CDIN1: variants seen among roughly 807,000 people sequenced by gnomAD.
CDIN1 encodes the protein CDAN1-interacting nuclease 1.
CDIN1 carries 33 observed loss-of-function variants against 45.3 expected under a neutral mutation model. The ratio of observed to expected loss-of-function variants is 0.73; its 90% CI spans 0.55 to 0.97. CDIN1 has a LOEUF of 0.97. CDIN1 is among the 50% of genes least tolerant of loss of function. The probability of loss-of-function intolerance (pLI) is 0.00; values close to 1 mark genes in which losing one functional copy is unlikely to be tolerated. For missense variants in CDIN1, 303 were observed against 339.4 expected, an observed-to-expected ratio of 0.89 and a Z score of 0.84; for synonymous variants, 118 against 124.4, an observed-to-expected ratio of 0.95 and a Z score of 0.34.
intron 10 of CDIN1, among the ~76,000 whole-genome samples, chr15:36,797,979 C>CAAAAAAAA (rs570630838): frequency 0.1 from 5,685 of 54,844 alleles, 202 homozygotes; most frequent in South Asian, 0.17. Flanking sequence ...GACTCCATCT[C>CAAAAAAAA]AAAAAAAAAA....
chr15:36,738,572 T>C (rs1172812364), intron 10 of CDIN1, among the ~76,000 whole-genome samples: 1 of 152,150 alleles, frequency 6.6e-6, no homozygotes, highest in African/African-American at 2.4e-5. Context: ...CTCTTTGCTC[T>C]TCCTCAAACT....
chr15:36,794,061 A>ATT (rs71126238), intron 10 of CDIN1, among the ~76,000 whole-genome samples: 20,728 of 120,886 alleles, frequency 0.17, 2,437 homozygotes, highest in Middle Eastern at 0.22. Context: ...CATCATAACT[A>ATT]TTTTTTTTTT....
chr15:36,694,331 G>A (rs1340659291), intron 7 of CDIN1, among the ~76,000 whole-genome samples: 2 of 152,154 alleles, frequency 1.3e-5, no homozygotes. Flanking sequence ...TTCCATGTGA[G>A]TAAATGTGCT....
At chr15:36,762,478 TTTTGTTTG>T (rs202230263) in intron 10 of CDIN1, among the ~76,000 whole-genome samples, 15,398 of 152,108 alleles carry the variant, frequency 0.1, 907 homozygotes, top group Non-Finnish European at 0.14. Flanking sequence ...TGTTGTTTTG[TTTTGTTTG>T]TTTGTTTGTT....
At chr15:36,606,931 G>T (rs1031913318) in intron 1 of CDIN1, among the ~76,000 whole-genome samples, 2 of 152,164 alleles carry the variant, frequency 1.3e-5, no homozygotes, top group African/African-American at 4.8e-5. Context: ...AACCCAAACA[G>T]GTTGGAAGTC....
chr15:36,717,251 T>A (rs865818108), intron 10 of CDIN1, among the ~76,000 whole-genome samples: 5 of 152,180 alleles, frequency 3.3e-5, no homozygotes, highest in African/African-American at 4.8e-5. Context: ...ATAAAATTGT[T>A]ACCATGATAG....
At chr15:36,790,543 A>G (rs11073199) in intron 10 of CDIN1, among the ~76,000 whole-genome samples, 103,057 of 151,860 alleles carry the variant, frequency 0.68, 37,812 homozygotes, top group East Asian at 0.95. Flanking sequence ...TGTTCCCAAC[A>G]CATAGAAAGA....
intron 1 of CDIN1, chr15:36,617,969 A>G: frequency 1.3e-6 from 1 of 768,748 alleles, no homozygotes; most frequent in Non-Finnish European, 2.4e-6. Context: ...TAGTCAGCCC[A>G]TTCAGACTCA....
At chr15:36,785,702 G>A (rs1383271997) in intron 10 of CDIN1, among the ~76,000 whole-genome samples, 2 of 152,216 alleles carry the variant, frequency 1.3e-5, no homozygotes, top group Non-Finnish European at 2.9e-5. Flanking sequence ...CTAATTGGAA[G>A]TTGAGCACCT....
rs553423280 is a variant in CDIN1 at position 36,755,946 on chromosome 15, C to A, written c.716+45985C>A. 1.2e-5 allele frequency: 5 copies of A among 407,592 alleles called. No homozygotes were observed. In the East Asian group the frequency reaches 2.9e-4, roughly 23 times the overall value. The allele number at this position is 407,592 out of a possible 1,614,324, so 25.2% of individuals were successfully genotyped here. ...AGAGGGTGTTGTGTTAAAACAGGTT[C>A]ATTCCCTGGTATTTCGAGAATATGG... is the stretch of plus-strand genomic sequence containing the variant. On this transcript the variant is annotated intron_variant, in intron 10 of 10. Transcript: ENST00000566621.
chr15:36,787,248 A>G (rs1465298881), intron 10 of CDIN1, among the ~76,000 whole-genome samples: 1 of 152,148 alleles, frequency 6.6e-6, no homozygotes. Context: ...TCTTACCCAT[A>G]CATGCTTCTC....
intron 1 of CDIN1, among the ~76,000 whole-genome samples, chr15:36,625,308 T>A (rs2039374964): frequency 6.6e-6 from 1 of 152,106 alleles, no homozygotes; most frequent in Admixed American, 6.6e-5. Context: ...ATTCTAAACT[T>A]TTTTACTCTG....
intron 10 of CDIN1, among the ~76,000 whole-genome samples, chr15:36,785,535 G>A (rs1309836620): frequency 2.0e-5 from 3 of 152,168 alleles, no homozygotes; most frequent in Non-Finnish European, 4.4e-5. Context: ...AAGTTACACT[G>A]ATACACACAT....
At chr15:36,654,030 G>T in intron 3 of CDIN1, 68 bp from the exon 4 acceptor site, 1 of 1,164,438 alleles carries the variant, frequency 8.6e-7, no homozygotes, top group Non-Finnish European at 1.3e-6. Context: ...ATACACACAG[G>T]GGATGCTGAC....
At chr15:36,746,745 A>C (rs2044456874) in intron 10 of CDIN1, among the ~76,000 whole-genome samples, 2 of 147,680 alleles carry the variant, frequency 1.4e-5, no homozygotes, top group African/African-American at 2.5e-5. Context: ...AAAAGTTGGA[A>C]ACGTGTCTTT....
chr15:36,781,761 G>A (rs965187220), intron 10 of CDIN1, among the ~76,000 whole-genome samples: 1 of 152,218 alleles, frequency 6.6e-6, no homozygotes, highest in African/African-American at 2.4e-5. Context: ...TTGGACCAGA[G>A]TTATGGATTA....
At chr15:36,793,391 A>C (rs889028590) in intron 10 of CDIN1, among the ~76,000 whole-genome samples, 3 of 151,862 alleles carry the variant, frequency 2.0e-5, no homozygotes, top group African/African-American at 7.3e-5. Context: ...ACTAGAAGTA[A>C]GTAGAGCCAG....
At chr15:36,805,819 C>G (rs1401746810) in intron 10 of CDIN1, among the ~76,000 whole-genome samples, 1 of 152,096 alleles carries the variant, frequency 6.6e-6, no homozygotes, top group Non-Finnish European at 1.5e-5. Context: ...GGGAATAAGG[C>G]CAGATCTTGT....
At chr15:36,687,425 T>C (rs1484514597) in intron 5 of CDIN1, among the ~76,000 whole-genome samples, 1 of 151,924 alleles carries the variant, frequency 6.6e-6, no homozygotes, top group Non-Finnish European at 1.5e-5. Context: ...TAAAAAGAAA[T>C]GGAACACTAG....
Sources: gnomAD v4.1 joint callset for allele counts (sites outside exome capture counted in the v4.1 genomes callset) on GRCh38, gnomAD v4.1.1 for gene constraint, MANE v1.5 for transcripts, NCBI Gene and HGNC (gene_info 2026-07-23, HGNC 2026-07-21) for gene names.